RNF157: variants seen among roughly 807,000 people sequenced by gnomAD.
RNF157 encodes the protein E3 ubiquitin ligase RNF157.
RNF157 carries 55 observed loss-of-function variants against 88.3 expected under a neutral mutation model. The observed-to-expected ratio is 0.62, with a 90% CI of 0.50 to 0.78. RNF157 has a LOEUF of 0.78. RNF157 is among the 30% of genes least tolerant of loss of function. RNF157 has a pLI of 0.00. For missense variants in RNF157, 788 were observed against 860.8 expected (o/e 0.92, Z 1.06); for synonymous variants, 334 against 341.2 (o/e 0.98, Z 0.23).
intron 2 of RNF157, among the ~76,000 whole-genome samples, chr17:76,175,376 AAAG>A (rs2069087680): frequency 6.6e-6 from 1 of 152,220 alleles, no homozygotes; most frequent in Non-Finnish European, 1.5e-5. Context: ...TTACAGGATC[AAAG>A]AGTAAGCATA....
intron 2 of RNF157, among the ~76,000 whole-genome samples, chr17:76,189,744 C>T (rs1013778053): frequency 3.9e-5 from 6 of 152,078 alleles, no homozygotes; most frequent in Non-Finnish European, 7.4e-5. Flanking sequence ...CCTGGAAGCC[C>T]GGAGAAGGGA....
At chr17:76,152,065 C>T (rs2068686274) in intron 18 of RNF157, among the ~76,000 whole-genome samples, 1 of 152,216 alleles carries the variant, frequency 6.6e-6, no homozygotes, top group African/African-American at 2.4e-5. Flanking sequence ...GACATGGTAC[C>T]TGCAAGGCCG....
At chr17:76,232,931 T>A (rs1431954402) in intron 1 of RNF157, among the ~76,000 whole-genome samples, 2 of 152,020 alleles carry the variant, frequency 1.3e-5, no homozygotes, top group Non-Finnish European at 2.9e-5. Context: ...CGCATATTTT[T>A]TTTTTTTGAG....
chr17:76,167,848 A>T, intron 3 of RNF157, 51 bp from the exon 4 acceptor site: 2 of 1,558,594 alleles, frequency 1.3e-6, no homozygotes, highest in African/African-American at 1.4e-5. Flanking sequence ...AATATTTTAA[A>T]ATTTACCTTT....
intron 2 of RNF157, among the ~76,000 whole-genome samples, chr17:76,204,782 C>A (rs1190119243): frequency 3.6e-5 from 5 of 139,774 alleles, no homozygotes; most frequent in East Asian, 2.1e-4. Context: ...TTCTTTCTTT[C>A]TTTTTTTTTT....
At chr17:76,222,828 G>A (rs2070009379) in intron 1 of RNF157, among the ~76,000 whole-genome samples, 1 of 152,096 alleles carries the variant, frequency 6.6e-6, no homozygotes. Flanking sequence ...AAACAACTGT[G>A]TGTGTGTGTA....
intron 2 of RNF157, among the ~76,000 whole-genome samples, chr17:76,208,905 C>G (rs2069727423): frequency 6.6e-6 from 1 of 151,584 alleles, no homozygotes; most frequent in Non-Finnish European, 1.5e-5. Flanking sequence ...GCCTAGGAGA[C>G]TGTGGCTGCA....
chr17:76,162,589 T>C lies in RNF157; in HGVS notation c.755A>G (p.Tyr252Cys), dbSNP rs759700011. The part of the protein sequence containing the change: ...DGVSYLLQEI[Y>C]GIENKYNTQD... ...TGTGTTGTACTTGTTTTCAATTCCA[T>C]AGATCTCCTGAAGGAGGTAGCTGAC... The change falls in exon 9 of 19, where the codon TAT becomes TGT. Residue 252 changes from tyrosine to cysteine, a missense_variant. Physicochemically the swap from Tyr to Cys is radical, Grantham distance 194 (BLOSUM62 -2). Transcript: ENST00000269391. The C allele has an allele frequency of 6.2e-7, 1 of 1,613,274 alleles. No homozygotes were observed. Among genetic ancestry groups the C allele is most frequent in the Non-Finnish European group, 8.5e-7 (1 of 1,179,730 alleles).
At chr17:76,227,665 G>A (rs189110625) in intron 1 of RNF157, among the ~76,000 whole-genome samples, 2 of 152,006 alleles carry the variant, frequency 1.3e-5, no homozygotes, top group Non-Finnish European at 2.9e-5. Flanking sequence ...ATCACCTGAG[G>A]TCGAGAGTTG....
At chr17:76,183,179 C>T (rs1482985614) in intron 2 of RNF157, among the ~76,000 whole-genome samples, 9 of 148,826 alleles carry the variant, frequency 6.0e-5, no homozygotes, top group East Asian at 5.8e-4. Context: ...TCAGGCGATC[C>T]GCCCGCCTCA....
At chr17:76,214,709 A>C (rs2069859304) in intron 1 of RNF157, among the ~76,000 whole-genome samples, 1 of 152,180 alleles carries the variant, frequency 6.6e-6, no homozygotes, top group Non-Finnish European at 1.5e-5. Flanking sequence ...CAGTCATGGC[A>C]GGGCCCCTTT....
chr17:76,215,719 C>T (rs2069877809), intron 1 of RNF157, among the ~76,000 whole-genome samples: 1 of 152,092 alleles, frequency 6.6e-6, no homozygotes, highest in Admixed American at 6.6e-5. Flanking sequence ...AAATCACTCA[C>T]CACAAAGTGA....
At position 76,144,528 on chromosome 17, in the gene RNF157, C is replaced by T. The variant is rs567772663; in HGVS notation, c.*707G>A. 6.6e-6 allele frequency: 1 copy of T among 152,198 alleles called. No individual in the cohort carries two copies. The highest frequency in any genetic ancestry group is 1.5e-5 in the Non-Finnish European group (1 of 68,092). The allele number at this position is 152,198 out of a possible 1,614,324, so 9.4% of individuals were successfully genotyped here. On this transcript the variant is annotated 3_prime_UTR_variant, in exon 19 of 19. Transcript: ENST00000269391. ...TTCGCCGTGTTAGCCAGGATGGTCTCGATCTCCTGATCTCATGATCCACCC... is the reference window on the plus strand; with the variant it reads ...TTCGCCGTGTTAGCCAGGATGGTCTTGATCTCCTGATCTCATGATCCACCC...
chr17:76,162,114 A>G (rs2144838512), intron 9 of RNF157, 112 bp from the exon 10 acceptor site: 1 of 1,071,174 alleles, frequency 9.3e-7, no homozygotes, highest in African/African-American at 1.6e-5. Flanking sequence ...TACGAACAAA[A>G]TCTGCATTGA....
chr17:76,146,828 T>C lies in RNF157; in HGVS notation c.1922-1475A>G. On this transcript the variant is annotated intron_variant, in intron 18 of 18. Coordinates refer to ENST00000269391, the MANE Select transcript of RNF157 (RefSeq NM_052916.3). The surrounding 1 kb of genome is among the most constrained non-coding windows in gnomAD (Gnocchi z 4.2). The stretch of plus-strand genomic sequence containing the variant: ...TGTTCAGCGGACAAGGCCGACCAAC[T>C]GTAGAGTGTGGCCGTGAGGTTGAGA... 1 of 985,412 alleles carries C rather than the reference T, an allele frequency of 1.0e-6. No homozygotes were observed. The highest frequency in any genetic ancestry group is 1.2e-6 in the Non-Finnish European group (1 of 829,918). The allele number at this position is 985,412 out of a possible 1,614,324, so 61.0% of individuals were successfully genotyped here.
At chr17:76,159,298 A>G (rs763212347) in intron 12 of RNF157, 37 bp downstream of exon 12, 14 of 1,560,458 alleles carry the variant, frequency 9.0e-6, no homozygotes, top group African/African-American at 1.4e-5. Context: ...TTCATCAAGG[A>G]TTCCGGGGGC....
At chr17:76,158,339 G>A (rs528668650) in intron 13 of RNF157, 54 bp downstream of exon 13, 82 of 1,186,652 alleles carry the variant, frequency 6.9e-5, no homozygotes, top group Non-Finnish European at 1.0e-4. Flanking sequence ...CATGCAGGTA[G>A]GAGGGAAGTC....
intron 2 of RNF157, among the ~76,000 whole-genome samples, chr17:76,200,174 G>A (rs112310617): frequency 0.018 from 2,759 of 152,088 alleles, 34 homozygotes; most frequent in Non-Finnish European, 0.027. Flanking sequence ...CCTGGGAAGC[G>A]GAGCTTGCAG....
intron 2 of RNF157, among the ~76,000 whole-genome samples, chr17:76,182,364 G>A (rs1034112069): frequency 6.6e-6 from 1 of 151,988 alleles, no homozygotes; most frequent in Non-Finnish European, 1.5e-5. Context: ...ACCTGGTGAC[G>A]AAAGATGAAA....
Sources: allele counts gnomAD v4.1 joint callset (sites outside exome capture counted in the v4.1 genomes callset), GRCh38; gene constraint gnomAD v4.1.1; non-coding constraint Gnocchi (gnomAD v3.1); transcripts MANE v1.5; gene names NCBI Gene and HGNC (gene_info 2026-07-23, HGNC 2026-07-21).